Variants in HTR2C observed in about 807,000 individuals in gnomAD.
The protein encoded by HTR2C is 5-hydroxytryptamine (serotonin) receptor 2C, G protein-coupled.
In HTR2C, 5 loss-of-function variants were observed where a neutral mutation model predicts 21.0. That is an observed-to-expected ratio of 0.24 (90% CI 0.12 to 0.50). The LOEUF is 0.50. Ranked by LOEUF, HTR2C falls within the 20% of genes least tolerant of loss-of-function variation. The probability of loss-of-function intolerance (pLI) is 0.98; values close to 1 mark genes in which losing one functional copy is unlikely to be tolerated. For missense variants in HTR2C, 271 were observed against 371.2 expected, an observed-to-expected ratio of 0.73 and a Z score of 2.22; for synonymous variants, 150 against 145.3, an observed-to-expected ratio of 1.03 and a Z score of -0.23.
chrX:114,753,096 T>A (rs2069777351), intron 4 of HTR2C, among the ~76,000 whole-genome samples: 1 of 67,163 alleles, frequency 1.5e-5, no homozygotes, highest in Non-Finnish European at 3.0e-5. Flanking sequence ...AATGACACTC[T>A]AGTGACTTCC....
At chrX:114,901,218 G>C (rs1556485194) in intron 5 of HTR2C, among the ~76,000 whole-genome samples, 1 of 112,355 alleles carries the variant, frequency 8.9e-6, no homozygotes. Flanking sequence ...GGTTTGGAGA[G>C]AACTGATCTG....
intron 4 of HTR2C, among the ~76,000 whole-genome samples, chrX:114,733,818 C>A (rs1381059210): frequency 9.0e-6 from 1 of 110,866 alleles, no homozygotes; most frequent in East Asian, 2.8e-4. Flanking sequence ...AACTGTCAGT[C>A]ATGTTCATAG....
chrX:114,601,466 A>G, intron 1 of HTR2C, among the ~76,000 whole-genome samples: 1 of 103,152 alleles, frequency 9.7e-6, no homozygotes, highest in African/African-American at 3.6e-5. Context: ...GGCGGGCAGG[A>G]GTGGGGGTCG....
intron 1 of HTR2C, among the ~76,000 whole-genome samples, chrX:114,606,561 A>T (rs1273321558): frequency 8.9e-6 from 1 of 111,877 alleles, no homozygotes; most frequent in Non-Finnish European, 1.9e-5. Context: ...AATTAAGAGA[A>T]GGGAGAGATT....
At chrX:114,676,722 C>G (rs1288880777) in intron 2 of HTR2C, among the ~76,000 whole-genome samples, 1 of 112,399 alleles carries the variant, frequency 8.9e-6, no homozygotes, top group Admixed American at 9.4e-5. Flanking sequence ...TGCTCTATGA[C>G]ACTCTTTTGT....
chrX:114,802,719 T>TTTCC (rs2070360939), intron 4 of HTR2C, among the ~76,000 whole-genome samples: 1 of 103,114 alleles, frequency 9.7e-6, no homozygotes, highest in Non-Finnish European at 2.0e-5. Flanking sequence ...TCTTTCTTTC[T>TTTCC]TTCTTTCTTT....
intron 5 of HTR2C, among the ~76,000 whole-genome samples, chrX:114,871,900 T>A (rs1215058001): frequency 9.1e-6 from 1 of 110,229 alleles, no homozygotes; most frequent in African/African-American, 3.3e-5. Flanking sequence ...GTGGCTTGCA[T>A]GTTTCTAGGA....
chrX:114,675,963 G>C, intron 2 of HTR2C, among the ~76,000 whole-genome samples: 1 of 105,029 alleles, frequency 9.5e-6, no homozygotes, highest in Non-Finnish European at 1.9e-5. Flanking sequence ...TCCGCCTCCT[G>C]GGTTCAAGTG....
chrX:114,671,744 T>C (rs1198186421), intron 2 of HTR2C, among the ~76,000 whole-genome samples: 1 of 112,333 alleles, frequency 8.9e-6, no homozygotes, highest in Non-Finnish European at 1.9e-5. Flanking sequence ...ACATTATTGA[T>C]GTGGACTATT....
rs201763901 is a variant in HTR2C at position 114,633,947 on chromosome X, T to TATATAGAGAGAGAG, written c.-80+20067_-80+20068insTATAGAGAGAGAGA. 6.1e-3 allele frequency among the ~76,000 whole-genome samples: 564 copies of TATATAGAGAGAGAG among 92,131 alleles called. 5 individuals are homozygous for TATATAGAGAGAGAG. Among genetic ancestry groups the TATATAGAGAGAGAG allele is most frequent in the East Asian group, 0.023 (63 of 2,734 alleles). The allele number at this position is 92,131 out of a possible 115,157, so 80.0% of individuals were successfully genotyped here. Reference sequence around the variant, plus strand: ...ATATGCATGTGTATATATATATATATAGAGAGAGAGAGAGAGATGGTAGGT... The same window carrying TATATAGAGAGAGAG: ...ATATGCATGTGTATATATATATATATATATAGAGAGAGAGAGAGAGAGAGAGAGAGATGGTAGGT... On this transcript the variant is annotated intron_variant, in intron 2 of 5. Transcript: ENST00000276198.
intron 2 of HTR2C, among the ~76,000 whole-genome samples, chrX:114,625,730 C>G (rs1368451648): frequency 9.0e-6 from 1 of 111,488 alleles, no homozygotes; most frequent in Non-Finnish European, 1.9e-5. Context: ...ACATTGAAGA[C>G]AGAATAGAAT....
intron 2 of HTR2C, among the ~76,000 whole-genome samples, chrX:114,678,472 G>A (rs1453763385): frequency 9.0e-6 from 1 of 111,348 alleles, no homozygotes; most frequent in African/African-American, 3.3e-5. Context: ...TGGCAGTGAG[G>A]GTCGAGATAA....
intron 1 of HTR2C, among the ~76,000 whole-genome samples, chrX:114,604,358 T>A (rs1402669811): frequency 3.6e-5 from 4 of 109,805 alleles, no homozygotes; most frequent in African/African-American, 1.3e-4. Context: ...TTGGGGAGTT[T>A]TAAGAGGTTT....
intron 2 of HTR2C, among the ~76,000 whole-genome samples, chrX:114,660,516 G>A (rs1372779159): frequency 1.8e-5 from 2 of 111,937 alleles, no homozygotes; most frequent in Admixed American, 9.5e-5. Context: ...GAAAATTTGC[G>A]TTTACACGAT....
chrX:114,755,855 T>C (rs1207445135), intron 4 of HTR2C, among the ~76,000 whole-genome samples: 5 of 111,451 alleles, frequency 4.5e-5, no homozygotes, highest in Non-Finnish European at 9.4e-5. Context: ...TAAACCACAA[T>C]GAAGTTTTGT....
chrX:114,685,397 A>G (rs1931879775), intron 2 of HTR2C, among the ~76,000 whole-genome samples: 1 of 112,086 alleles, frequency 8.9e-6, no homozygotes, highest in Admixed American at 9.5e-5. Context: ...CAGTAAAACT[A>G]TCTCTTTTCA....
chrX:114,788,442 A>T (rs2070199650), intron 4 of HTR2C, among the ~76,000 whole-genome samples: 1 of 109,269 alleles, frequency 9.2e-6, no homozygotes, highest in South Asian at 4.1e-4. Flanking sequence ...TTGTATTTTT[A>T]GTCGAGATGG....
intron 2 of HTR2C, among the ~76,000 whole-genome samples, chrX:114,641,485 G>C (rs1556406460): frequency 9.0e-6 from 1 of 110,862 alleles, no homozygotes; most frequent in African/African-American, 3.3e-5. Flanking sequence ...CTCATAGTGA[G>C]GGTTTTCTTT....
chrX:114,851,966 A>T (rs1254128057), intron 5 of HTR2C, among the ~76,000 whole-genome samples: 1 of 110,997 alleles, frequency 9.0e-6, no homozygotes, highest in Non-Finnish European at 1.9e-5. Flanking sequence ...CATTTTTCTC[A>T]CAGTGAGTAA....
Sources: allele counts gnomAD v4.1 joint callset (sites outside exome capture counted in the v4.1 genomes callset), GRCh38; gene constraint gnomAD v4.1.1; transcripts MANE v1.5; gene names NCBI Gene and HGNC (gene_info 2026-07-23, HGNC 2026-07-21).